The following CD68 variants were observed in gnomAD, a reference collection of about 807,000 sequenced individuals.
CD68 encodes CD68 molecule, also known as macrosialin.
A neutral mutation model predicts 31.3 loss-of-function variants in CD68; 24 were observed. The ratio of observed to expected loss-of-function variants is 0.77; its 90% CI spans 0.55 to 1.08. The LOEUF is 1.08. Ranked by LOEUF, CD68 falls within the 50% of genes least tolerant of loss-of-function variation. The pLI is 0.00. For synonymous variants in CD68, 190 were observed against 179.6 expected (o/e 1.06, Z -0.46); for missense variants, 461 against 442.5 (o/e 1.04, Z -0.38).
Position 7,579,739 on chromosome 17 carries a change from G to A in CD68, c.49+13G>A, listed in dbSNP as rs1307549532. The A allele has an allele frequency of 6.2e-7, 1 of 1,603,408 alleles. No homozygotes were observed. The highest frequency in any genetic ancestry group is 1.1e-5 in the South Asian group (1 of 90,042). ...GGGCTACTGGCAGGTAAGGAGGAAG[G>A]AGGCTGAGGGGAGGGGGCCCCTGGG... On this transcript the variant is annotated intron_variant, in intron 1 of 5. Coordinates refer to ENST00000250092, the MANE Select transcript of CD68 (RefSeq NM_001251.3).
In CD68 at chr17:7,581,240, C is replaced by T. The variant is rs1478669631; in HGVS notation, c.932-138C>T. On this transcript the variant is annotated intron_variant, in intron 5 of 5. Transcript: ENST00000250092. ...CCTCTACAAGACTCTGCCAGTTTCCCCCTTTTATCACTGCTGAGTCACTGC... is the reference window on the plus strand; with the variant it reads ...CCTCTACAAGACTCTGCCAGTTTCCTCCTTTTATCACTGCTGAGTCACTGC... The T allele has an allele frequency of 8.2e-6, 10 of 1,221,716 alleles. No individual in the cohort carries two copies. In the East Asian group the frequency reaches 2.1e-4, roughly 26 times the overall value. 75.7% of individuals were successfully genotyped at this position (1,221,716 alleles called of 1,614,324 possible). A position where few individuals can be genotyped will look rare whatever the true frequency, so the allele number is the denominator to read the frequency against.
rs187070664 is a variant in CD68 at position 7,581,534 on chromosome 17, C to T, written c.*23C>T. 1.7e-5 allele frequency: 28 copies of T among 1,606,522 alleles called. No individual in the cohort carries two copies. In the East Asian group the frequency reaches 5.8e-4, roughly 33 times the overall value. On this transcript the variant is annotated 3_prime_UTR_variant, in exon 6 of 6. Transcript: ENST00000250092. ...TGAGCATTTGCTTCAAACCCCAGGG[C>T]ACTGAGGGGGTTGGGGTGTGGTGGG...
At position 7,580,731 on chromosome 17, in the gene CD68, C is replaced by T. The variant is rs566165376; in HGVS notation, c.708C>T (p.Val236=). Residue 236 remains valine (V), a synonymous_variant, in exon 4 of 6, where the codon GTC becomes GTT. Coordinates refer to ENST00000250092, the MANE Select transcript of CD68 (RefSeq NM_001251.3). This position sits in a 1 kb window ranked among gnomAD's most constrained non-coding sequence, Gnocchi z 4.3. ...GFMQDLQQKV[V]YLSYMAVEYN... ...CACAGGACCTCCAGCAGAAGGTTGT[C>T]TACCTGAGCTACATGGCGGTGGAGT... 777 of 1,614,114 alleles carry T rather than the reference C, an allele frequency of 4.8e-4. 8 individuals are homozygous for T. The South Asian group carries it at 8.1e-3, about 17-fold the overall frequency.
chr17:7,581,158 AC>A (rs1421557136), intron 5 of CD68, 92 bp downstream of exon 5: 5 of 1,272,152 alleles, frequency 3.9e-6, no homozygotes, highest in South Asian at 1.3e-5. Flanking sequence ...TCTCTTCTTA[AC>A]CCCCCAAATC....
Position 7,581,391 on chromosome 17 carries a change from C to T in CD68, c.945C>T (p.Pro315=). Residue 315 remains proline (P), a synonymous_variant, in exon 6 of 6, where the codon CCC becomes CCT. Transcript: ENST00000250092. The part of the protein sequence containing the change: ...TGVFGQSFSC[P]SDRSILLPLI... Reference sequence around the variant, plus strand: ...TCCTTCCGCCAGGTTTCTCCTGCCCCAGTGACCGGTCCATCTTGCTGCCTC... The same window carrying T: ...TCCTTCCGCCAGGTTTCTCCTGCCCTAGTGACCGGTCCATCTTGCTGCCTC... 6.2e-7 allele frequency: 1 copy of T among 1,614,170 alleles called. No homozygotes were observed. The highest frequency in any genetic ancestry group is 8.5e-7 in the Non-Finnish European group (1 of 1,180,034).
Position 7,580,218 on chromosome 17 carries a change from C to T in CD68, c.458C>T (p.Ser153Phe), listed in dbSNP as rs2071465726. ...CCCTCTCCGAGTCCTAGCCCAACCT[C>T]CAAGGAGACCATTGGAGACTACACG... ...PPPSPSPSPT[S>F]KETIGDYTWT... Residue 153 changes from serine to phenylalanine, a missense_variant, in exon 2 of 6, where the codon TCC (serine) becomes TTC (phenylalanine). Ser to Phe is a radical substitution (Grantham distance 155). Coordinates refer to ENST00000250092, the MANE Select transcript of CD68 (RefSeq NM_001251.3). The surrounding 1 kb of genome is among the most constrained non-coding windows in gnomAD (Gnocchi z 4.3). 1 of 1,613,762 alleles carries T rather than the reference C, an allele frequency of 6.2e-7. No individual in the cohort carries two copies. Among genetic ancestry groups the T allele is most frequent in the South Asian group, 1.1e-5 (1 of 91,044 alleles).
Position 7,581,458 on chromosome 17 carries a change from C to T in CD68, c.1012C>T (p.Leu338Phe). ...LILLGLLALVLIAFCIIRRRP... is the reference protein window; with the variant it reads ...LILLGLLALVFIAFCIIRRRP... ...CCTTCTTGGCCTCCTCGCCCTGGTGCTTATTGCTTTCTGCATCATCCGGAG... is the reference window on the plus strand; with the variant it reads ...CCTTCTTGGCCTCCTCGCCCTGGTGTTTATTGCTTTCTGCATCATCCGGAG... The change falls in exon 6 of 6, where the codon CTT (leucine) becomes TTT (phenylalanine). Residue 338 changes from leucine (L) to phenylalanine (F), a missense_variant. Coordinates refer to ENST00000250092, the MANE Select transcript of CD68 (RefSeq NM_001251.3). The T allele has an allele frequency of 6.2e-7, 1 of 1,614,164 alleles. No homozygotes were observed. The highest frequency in any genetic ancestry group is 8.5e-7 in the Non-Finnish European group (1 of 1,180,030).
At position 7,580,510 on chromosome 17, in the gene CD68, G is replaced by A; in HGVS notation, c.612G>A (p.Gln204=). The change falls in exon 3 of 6, where the codon CAG becomes CAA. Residue 204 remains glutamine, a synonymous_variant. Coordinates refer to ENST00000250092, the MANE Select transcript of CD68 (RefSeq NM_001251.3). This position sits in a 1 kb window ranked among gnomAD's most constrained non-coding sequence, Gnocchi z 4.3. The stretch of plus-strand genomic sequence containing the variant: ...TGAACCCCAACAAAACCAAGGTCCA[G>A]GGAAGCTGTGAGGGTGCCCATCCCC... ...SVLNPNKTKV[Q]GSCEGAHPHL... The A allele has an allele frequency of 6.2e-7, 1 of 1,614,014 alleles. No individual in the cohort carries two copies. The highest frequency in any genetic ancestry group is 8.5e-7 in the Non-Finnish European group (1 of 1,179,984).
intron 1 of CD68, 31 bp downstream of exon 1, chr17:7,579,757 C>T (rs1284860154): frequency 1.2e-6 from 2 of 1,601,044 alleles, no homozygotes; most frequent in Admixed American, 1.7e-5. Context: ...GGGGAGGGGG[C>T]CCCTGGGAGG....
rs564608322 is a variant in CD68 at position 7,581,036 on chromosome 17, C to T, written c.901C>T (p.Gln301Ter). ...DLLSLRLQAA[Q>*]LPHTGVFGQS... ...GCTCTCCCTGAGGCTCCAGGCTGCT[C>T]AGCTGCCCCACACAGGGGTCTTTGG... Residue 301 changes from glutamine to a stop codon, truncating the protein, a stop_gained, in exon 5 of 6, where the codon CAG (glutamine) becomes TAG (stop). Coordinates refer to ENST00000250092, the MANE Select transcript of CD68 (RefSeq NM_001251.3). LOFTEE classifies it high-confidence loss of function. 2.5e-6 allele frequency: 4 copies of T among 1,613,982 alleles called. No individual in the cohort carries two copies. The African/African-American group carries it at 5.3e-5, about 22-fold the overall frequency.
rs1240827882 is a variant in CD68 at position 7,580,369 on chromosome 17, C to T, written c.567+42C>T. 1.2e-6 allele frequency: 2 copies of T among 1,607,904 alleles called. No individual in the cohort carries two copies. The highest frequency in any genetic ancestry group is 2.7e-5 in the African/African-American group (2 of 74,752). ...GGGATGAGAGGGGAGGGAGGCAGGACTGGATATAGGCTCAGAGGGAAGAAG... is the reference window on the plus strand; with the variant it reads ...GGGATGAGAGGGGAGGGAGGCAGGATTGGATATAGGCTCAGAGGGAAGAAG... On this transcript the variant is annotated intron_variant, in intron 2 of 5. Coordinates refer to ENST00000250092, the MANE Select transcript of CD68 (RefSeq NM_001251.3). The surrounding 1 kb of genome is among the most constrained non-coding windows in gnomAD (Gnocchi z 4.3).
chr17:7,581,557 G>T lies in CD68; in HGVS notation c.*46G>T. 1.9e-6 allele frequency: 3 copies of T among 1,595,060 alleles called. No homozygotes were observed. Among genetic ancestry groups the T allele is most frequent in the African/African-American group, 1.3e-5 (1 of 74,400 alleles). On this transcript the variant is annotated 3_prime_UTR_variant, in exon 6 of 6. Coordinates refer to ENST00000250092, the MANE Select transcript of CD68 (RefSeq NM_001251.3). The stretch of plus-strand genomic sequence containing the variant: ...GGCACTGAGGGGGTTGGGGTGTGGT[G>T]GGGGGGTACCCTTATTTCCTCGACA...
rs2071468669 is a variant in CD68, at chr17:7,580,401, G to A, written c.568-65G>A. The A allele has an allele frequency of 6.2e-7, 1 of 1,610,416 alleles. No homozygotes were observed. Among genetic ancestry groups the A allele is most frequent in the African/African-American group, 1.3e-5 (1 of 74,820 alleles). On this transcript the variant is annotated intron_variant, in intron 2 of 5. Coordinates refer to ENST00000250092, the MANE Select transcript of CD68 (RefSeq NM_001251.3). The surrounding 1 kb of genome is among the most constrained non-coding windows in gnomAD (Gnocchi z 4.3). ...TAGGCTCAGAGGGAAGAAGGAAGAG[G>A]GGACAGGGAACCTTGGCCGGCATCG...
rs781304672 is a variant in CD68 at position 7,581,482 on chromosome 17, A to G, written c.1036A>G (p.Arg346Gly). The change falls in exon 6 of 6, where the codon AGA becomes GGA. Residue 346 changes from arginine to glycine, a missense_variant. Coordinates refer to ENST00000250092, the MANE Select transcript of CD68 (RefSeq NM_001251.3). ...LVLIAFCIIR[R>G]RPSAYQAL ...GCTTATTGCTTTCTGCATCATCCGG[A>G]GACGCCCATCCGCCTACCAGGCCCT... 16 of 1,613,954 alleles carry G rather than the reference A, an allele frequency of 9.9e-6. No homozygotes were observed. The highest frequency in any genetic ancestry group is 4.0e-5 in the African/African-American group (3 of 74,854).
At position 7,580,406 on chromosome 17, in the gene CD68, A is replaced by C; in HGVS notation, c.568-60A>C. ...TCAGAGGGAAGAAGGAAGAGGGGACAGGGAACCTTGGCCGGCATCGCATGC... is the reference window on the plus strand; with the variant it reads ...TCAGAGGGAAGAAGGAAGAGGGGACCGGGAACCTTGGCCGGCATCGCATGC... On this transcript the variant is annotated intron_variant, in intron 2 of 5. Transcript: ENST00000250092. This position sits in a 1 kb window ranked among gnomAD's most constrained non-coding sequence, Gnocchi z 4.3. 6.2e-7 allele frequency: 1 copy of C among 1,611,252 alleles called. No homozygotes were observed. The highest frequency in any genetic ancestry group is 8.5e-7 in the Non-Finnish European group (1 of 1,177,930).
At chr17:7,581,186 T>C in intron 5 of CD68, 120 bp downstream of exon 5, 3 of 1,179,374 alleles carry the variant, frequency 2.5e-6, no homozygotes, top group Non-Finnish European at 3.7e-6. Context: ...TCCCAGCTTG[T>C]CATGGCTACA....
At position 7,580,432 on chromosome 17, in the gene CD68, A is replaced by T; in HGVS notation, c.568-34A>T. 6.2e-7 allele frequency: 1 copy of T among 1,612,896 alleles called. No homozygotes were observed. The highest frequency in any genetic ancestry group is 1.3e-5 in the African/African-American group (1 of 74,994). ...GGGAACCTTGGCCGGCATCGCATGC[A>T]GTCTTGTGACCTTCCAGTCTTTAAC... On this transcript the variant is annotated intron_variant, in intron 2 of 5. Transcript: ENST00000250092. This position sits in a 1 kb window ranked among gnomAD's most constrained non-coding sequence, Gnocchi z 4.3.
rs1254642493 is a variant in CD68 at position 7,580,345 on chromosome 17, G to A, written c.567+18G>A. 6 of 1,608,546 alleles carry A rather than the reference G, an allele frequency of 3.7e-6. No individual in the cohort carries two copies. Among genetic ancestry groups the A allele is most frequent in the Non-Finnish European group, 5.1e-6 (6 of 1,176,076 alleles). On this transcript the variant is annotated intron_variant, in intron 2 of 5. Transcript: ENST00000250092. This position sits in a 1 kb window ranked among gnomAD's most constrained non-coding sequence, Gnocchi z 4.3. ...GAGGAGAGGTAAAGCTAAAACTGGGGGATGAGAGGGGAGGGAGGCAGGACT... is the reference window on the plus strand; with the variant it reads ...GAGGAGAGGTAAAGCTAAAACTGGGAGATGAGAGGGGAGGGAGGCAGGACT...
chr17:7,580,547 T>C lies in CD68; in HGVS notation c.649T>C (p.Ser217Pro). 1.2e-6 allele frequency: 2 copies of C among 1,614,078 alleles called. No individual in the cohort carries two copies. Among genetic ancestry groups the C allele is most frequent in the Non-Finnish European group, 1.7e-6 (2 of 1,179,996 alleles). ...GGGTGCCCATCCCCACCTGCTTCTC[T>C]CATTCCCCTATGGACACCTCAGCTT... ...CEGAHPHLLL[S>P]FPYGHLSFGF... is the part of the protein sequence containing the mutation. The change falls in exon 3 of 6, where the codon TCA becomes CCA. Residue 217 changes from serine to proline, a missense_variant. Transcript: ENST00000250092. This position sits in a 1 kb window ranked among gnomAD's most constrained non-coding sequence, Gnocchi z 4.3.
Sources: gnomAD v4.1 joint callset for allele counts on GRCh38, gnomAD v4.1.1 for gene constraint, Gnocchi (gnomAD v3.1) non-coding constraint, MANE v1.5 for transcripts, NCBI Gene and HGNC (gene_info 2026-07-23, HGNC 2026-07-21) for gene names.